The following TTBK2 variants were observed in gnomAD, a reference collection of about 807,000 sequenced individuals.
TTBK2 encodes the protein tau-tubulin kinase 2.
TTBK2 carries 28 observed loss-of-function variants against 110.8 expected under a neutral mutation model. The observed-to-expected ratio is 0.25, with a 90% CI of 0.19 to 0.35. TTBK2 has a LOEUF of 0.35. Among genes scored for constraint, TTBK2 ranks in the 10% least tolerant of loss-of-function variants. The pLI, the probability that TTBK2 is intolerant of heterozygous loss-of-function variation, is 1.00. For synonymous variants in TTBK2, 532 were observed against 527.3 expected (o/e 1.01, Z -0.12); for missense variants, 1,369 against 1,500.3 (o/e 0.91, Z 1.45).
At chr15:42,791,672 G>A (rs12595722) in intron 10 of TTBK2, among the ~76,000 whole-genome samples, 2,305 of 152,264 alleles carry the variant, frequency 0.015, 28 homozygotes, top group East Asian at 0.057. Flanking sequence ...CTGAACCTCA[G>A]CCCTTGGGCA....
chr15:42,775,002 T>A, intron 13 of TTBK2, 133 bp downstream of exon 13: 1 of 868,760 alleles, frequency 1.2e-6, no homozygotes, highest in South Asian at 1.5e-5. Context: ...TAGAACTTAG[T>A]ACAAAATCAC....
intron 14 of TTBK2, among the ~76,000 whole-genome samples, chr15:42,750,867 A>G (rs929957184): frequency 1.3e-5 from 2 of 152,186 alleles, no homozygotes; most frequent in Non-Finnish European, 1.5e-5. Context: ...TCTCAAAAAA[A>G]TTATCAGAAC....
At chr15:42,762,095 G>A (rs1676793157) in intron 13 of TTBK2, among the ~76,000 whole-genome samples, 1 of 152,174 alleles carries the variant, frequency 6.6e-6, no homozygotes, top group Non-Finnish European at 1.5e-5. Context: ...CCATGATTGT[G>A]AGGCCTCCCC....
At chr15:42,798,118 A>T (rs1891026802) in intron 9 of TTBK2, 1 of 421,778 alleles carries the variant, frequency 2.4e-6, no homozygotes, top group African/African-American at 2.1e-5. Context: ...TCCTGACCTC[A>T]GGTGATCCAC....
chr15:42,829,720 T>C (rs184916282), intron 5 of TTBK2, among the ~76,000 whole-genome samples: 32 of 152,300 alleles, frequency 2.1e-4, no homozygotes, highest in Admixed American at 9.8e-4. Flanking sequence ...TTTCACTGTA[T>C]GAGAAAAACT....
intron 3 of TTBK2, chr15:42,871,391 C>T (rs773616784): frequency 2.0e-5 from 19 of 963,166 alleles, no homozygotes; most frequent in Non-Finnish European, 2.0e-5. Flanking sequence ...AAACCATACA[C>T]AAAATAAGCA....
chr15:42,755,841 TAAGAAA>T (rs2061938438), intron 13 of TTBK2, among the ~76,000 whole-genome samples: 2 of 152,160 alleles, frequency 1.3e-5, no homozygotes, highest in African/African-American at 4.8e-5. Context: ...GTGACCATGA[TAAGAAA>T]AGCAAGTGTA....
intron 1 of TTBK2, among the ~76,000 whole-genome samples, chr15:42,912,797 C>T (rs2030850679): frequency 6.6e-6 from 1 of 151,988 alleles, no homozygotes; most frequent in African/African-American, 2.4e-5. Context: ...AAAGAGTACA[C>T]ACCAGCTAAA....
intron 1 of TTBK2, among the ~76,000 whole-genome samples, chr15:42,909,730 G>A (rs1025897174): frequency 6.6e-6 from 1 of 152,102 alleles, no homozygotes; most frequent in African/African-American, 2.4e-5. Context: ...TACACAATAT[G>A]AGCCCTTTTA....
intron 7 of TTBK2, among the ~76,000 whole-genome samples, chr15:42,813,935 AT>A (rs35869917): frequency 6.6e-6 from 1 of 152,192 alleles, no homozygotes; most frequent in Non-Finnish European, 1.5e-5. Flanking sequence ...GAAGAAAGTA[AT>A]TTTTTCAAAG....
At chr15:42,801,429 C>A (rs1339454363) in intron 9 of TTBK2, 3 of 975,418 alleles carry the variant, frequency 3.1e-6, no homozygotes, top group Non-Finnish European at 5.0e-6. Flanking sequence ...TCCAGGGAAG[C>A]CCTCTGGCCT....
chr15:42,896,611 A>G (rs1423764163), intron 1 of TTBK2, among the ~76,000 whole-genome samples: 1 of 151,876 alleles, frequency 6.6e-6, no homozygotes, highest in East Asian at 1.9e-4. Context: ...ACATAGCAAG[A>G]CCCCATTTCT....
At chr15:42,753,471 C>T (rs2061898100) in intron 13 of TTBK2, among the ~76,000 whole-genome samples, 1 of 152,158 alleles carries the variant, frequency 6.6e-6, no homozygotes, top group South Asian at 2.1e-4. Flanking sequence ...GTAGGTTTAT[C>T]CCTGCCCCTT....
intron 9 of TTBK2, among the ~76,000 whole-genome samples, chr15:42,803,810 C>G (rs923540880): frequency 6.6e-6 from 1 of 152,008 alleles, no homozygotes; most frequent in Non-Finnish European, 1.5e-5. Context: ...GCGGGCCGAT[C>G]ACCTGAGGTC....
intron 1 of TTBK2, among the ~76,000 whole-genome samples, chr15:42,920,176 G>A (rs2031292871): frequency 6.6e-6 from 1 of 152,186 alleles, no homozygotes; most frequent in African/African-American, 2.4e-5. Context: ...GAAGCTTCGT[G>A]ACCCTCCAAG....
At chr15:42,790,577 T>G (rs141449499) in intron 10 of TTBK2, among the ~76,000 whole-genome samples, 2,428 of 152,210 alleles carry the variant, frequency 0.016, 67 homozygotes, top group African/African-American at 0.054. Context: ...TGAGCCACTG[T>G]GCCTGGCCCG....
At chr15:42,880,302 G>C (rs1894990185) in intron 1 of TTBK2, among the ~76,000 whole-genome samples, 1 of 152,098 alleles carries the variant, frequency 6.6e-6, no homozygotes, top group Non-Finnish European at 1.5e-5. Context: ...ATAATAAAAG[G>C]TCAATCAATT....
intron 3 of TTBK2, among the ~76,000 whole-genome samples, chr15:42,855,447 T>C (rs1484456302): frequency 6.6e-6 from 1 of 152,160 alleles, no homozygotes; most frequent in Non-Finnish European, 1.5e-5. Flanking sequence ...TCTGAAATAC[T>C]CTGCTGTGCC....
chr15:42,800,422 A>T (rs993848807), intron 9 of TTBK2: 1 of 308,072 alleles, frequency 3.2e-6, no homozygotes, highest in African/African-American at 2.3e-5. Context: ...GCAATCAATA[A>T]CTGTATCATA....
Sources: gnomAD v4.1 joint callset for allele counts (sites outside exome capture counted in the v4.1 genomes callset) on GRCh38, gnomAD v4.1.1 for gene constraint, MANE v1.5 for transcripts, NCBI Gene and HGNC (gene_info 2026-07-23, HGNC 2026-07-21) for gene names.